PSD3: variants seen among roughly 807,000 people sequenced by gnomAD.
PSD3 encodes the protein pleckstrin and Sec7 domain containing 3, also known as PH and SEC7 domain-containing protein 3.
Under a neutral mutation model 105.5 loss-of-function variants are expected in PSD3, and 49 were observed. The observed-to-expected ratio is 0.46, with a 90% CI of 0.37 to 0.59. PSD3 has a LOEUF of 0.59. Among genes scored for constraint, PSD3 ranks in the 20% least tolerant of loss-of-function variants. The pLI is 0.00. For missense variants in PSD3, 1,561 were observed against 1,263.8 expected (o/e 1.24, Z -3.57); for synonymous variants, 557 against 457.8 (o/e 1.22, Z -2.77).
intron 9 of PSD3, among the ~76,000 whole-genome samples, chr8:18,717,722 G>C (rs141891934): frequency 2.6e-5 from 4 of 152,262 alleles, no homozygotes; most frequent in African/African-American, 9.6e-5. Flanking sequence ...GACTCAGTTA[G>C]AAAGATAAAA....
intron 2 of PSD3, among the ~76,000 whole-genome samples, chr8:18,913,151 A>G (rs334742): frequency 0.025 from 3,726 of 150,990 alleles, 176 homozygotes; most frequent in African/African-American, 0.086. Flanking sequence ...CAATGCATTC[A>G]ATTACCTCCT....
At chr8:18,804,438 G>C (rs1198103212) in intron 6 of PSD3, 84 bp downstream of exon 6, 2 of 1,185,762 alleles carry the variant, frequency 1.7e-6, no homozygotes, top group East Asian at 4.8e-5. Flanking sequence ...AAAAAAATAA[G>C]ATTCTAGCTA....
At chr8:18,797,596 T>C (rs1810303384) in intron 8 of PSD3, among the ~76,000 whole-genome samples, 1 of 152,200 alleles carries the variant, frequency 6.6e-6, no homozygotes, top group African/African-American at 2.4e-5. Context: ...AAAAATAACA[T>C]CTTTATTGGT....
chr8:18,900,671 G>A (rs1262414922), intron 2 of PSD3, among the ~76,000 whole-genome samples: 2 of 119,782 alleles, frequency 1.7e-5, no homozygotes, highest in Non-Finnish European at 3.3e-5. Flanking sequence ...TTTTTTGGGA[G>A]ACAGGGTCTT....
intron 9 of PSD3, among the ~76,000 whole-genome samples, chr8:18,745,575 G>A (rs183101336): frequency 2.6e-5 from 4 of 152,178 alleles, no homozygotes; most frequent in Admixed American, 2.0e-4. Context: ...CCTGCCCCAG[G>A]ACTACAACCA....
intron 1 of PSD3, among the ~76,000 whole-genome samples, chr8:19,008,577 A>G (rs73594608): frequency 0.022 from 3,410 of 152,298 alleles, 139 homozygotes; most frequent in African/African-American, 0.078. Context: ...GAAAATCTAC[A>G]TTCAAAAAAG....
intron 1 of PSD3, among the ~76,000 whole-genome samples, chr8:19,034,467 T>C (rs1478342116): frequency 6.6e-6 from 1 of 152,200 alleles, no homozygotes; most frequent in Non-Finnish European, 1.5e-5. Flanking sequence ...TTACTTCCCG[T>C]GCCAGAGAAG....
chr8:19,029,586 C>A (rs1827684850), intron 1 of PSD3, among the ~76,000 whole-genome samples: 2 of 152,086 alleles, frequency 1.3e-5, no homozygotes, highest in Admixed American at 6.6e-5. Flanking sequence ...ATAAAACCAT[C>A]AGATCTTGTG....
At chr8:18,678,867 G>C (rs1800219869) in intron 9 of PSD3, among the ~76,000 whole-genome samples, 2 of 151,866 alleles carry the variant, frequency 1.3e-5, no homozygotes, top group East Asian at 1.9e-4. Context: ...CCAGCCCCTT[G>C]TGGTTTGGTA....
intron 2 of PSD3, among the ~76,000 whole-genome samples, chr8:18,904,237 C>A (rs1819693944): frequency 6.6e-6 from 1 of 152,144 alleles, no homozygotes; most frequent in Non-Finnish European, 1.5e-5. Flanking sequence ...TATAAACTAA[C>A]AGAGTGAGAA....
intron 11 of PSD3, among the ~76,000 whole-genome samples, chr8:18,605,584 T>C (rs1327115283): frequency 1.3e-5 from 2 of 152,098 alleles, no homozygotes; most frequent in Middle Eastern, 3.2e-3. Context: ...TGGGAAGGCA[T>C]GATTGTATTT....
intron 4 of PSD3, among the ~76,000 whole-genome samples, chr8:18,817,221 G>A (rs1055975714): frequency 2.6e-5 from 4 of 152,182 alleles, no homozygotes; most frequent in African/African-American, 9.6e-5. Context: ...ATCGGAGAAG[G>A]TACAACAATT....
intron 14 of PSD3, among the ~76,000 whole-genome samples, chr8:18,561,930 A>ATTAGCTTT (rs1801416249): frequency 6.6e-6 from 1 of 152,174 alleles, no homozygotes; most frequent in Non-Finnish European, 1.5e-5. Flanking sequence ...AGGGCCAGAA[A>ATTAGCTTT]TTAGCTTTTT....
chr8:18,681,314 G>A (rs1800374088), intron 9 of PSD3, among the ~76,000 whole-genome samples: 1 of 151,940 alleles, frequency 6.6e-6, no homozygotes, highest in African/African-American at 2.4e-5. Context: ...TGATTAGCAA[G>A]AAGAAATACC....
chr8:18,909,916 C>G (rs1369614614), intron 2 of PSD3, among the ~76,000 whole-genome samples: 2 of 152,192 alleles, frequency 1.3e-5, no homozygotes, highest in Admixed American at 6.5e-5. Context: ...CGCTGGGAGG[C>G]AGGGGCTTTA....
chr8:19,049,266 C>T (rs951154110), intron 1 of PSD3, among the ~76,000 whole-genome samples: 2 of 152,104 alleles, frequency 1.3e-5, no homozygotes, highest in Admixed American at 6.6e-5. Flanking sequence ...CAAGGTGGAG[C>T]GGAGAGACTA....
intron 2 of PSD3, among the ~76,000 whole-genome samples, chr8:18,892,196 CTTTA>C (rs1426034012): frequency 6.6e-6 from 1 of 151,488 alleles, no homozygotes; most frequent in African/African-American, 2.4e-5. Context: ...CACACACAAA[CTTTA>C]TTTTCTATTA....
At chr8:18,769,820 C>A (rs941148967) in intron 8 of PSD3, among the ~76,000 whole-genome samples, 1 of 152,128 alleles carries the variant, frequency 6.6e-6, no homozygotes, top group Non-Finnish European at 1.5e-5. Context: ...ATTTAATGTC[C>A]TTTTATTTCT....
chr8:18,828,323 A>G (rs1202971222), intron 4 of PSD3, among the ~76,000 whole-genome samples: 1 of 152,042 alleles, frequency 6.6e-6, no homozygotes, highest in Non-Finnish European at 1.5e-5. Flanking sequence ...TGGTTCTTCC[A>G]TTGAAGGCTT....
Sources: gnomAD v4.1 joint callset for allele counts (sites outside exome capture counted in the v4.1 genomes callset) on GRCh38, gnomAD v4.1.1 for gene constraint, MANE v1.5 for transcripts, NCBI Gene and HGNC (gene_info 2026-07-23, HGNC 2026-07-21) for gene names.